Variants in MYOM2 observed in about 807,000 individuals in gnomAD.
MYOM2 encodes the protein myomesin-2.
In MYOM2, 254 loss-of-function variants were observed where a neutral mutation model predicts 187.6. The observed-to-expected ratio is 1.35, with a 90% CI of 1.22 to 1.50. MYOM2 has a LOEUF of 1.50. MYOM2 is among the 40% of genes most tolerant of loss of function. The pLI, the probability that MYOM2 is intolerant of heterozygous loss-of-function variation, is 0.00. For missense variants in MYOM2, 2,796 were observed against 1,924.0 expected (o/e 1.45, Z -8.48); for synonymous variants, 981 against 753.8 (o/e 1.30, Z -4.94).
At chr8:2,085,488 GCCCCTCACTGTTGTGATCTCCGCGTGGCC>G (rs1819800049) in intron 14 of MYOM2, 98 bp downstream of exon 14, 5 of 1,399,468 alleles carry the variant, frequency 3.6e-6, no homozygotes, top group Admixed American at 4.4e-5. Context: ...TCTCCGCGTG[GCCCCTCACTGTTGTGATCTCCGCGTGGCC>G]CCCCACTGTT....
At chr8:2,098,409 G>C (rs1290343881) in intron 18 of MYOM2, among the ~76,000 whole-genome samples, 1 of 152,152 alleles carries the variant, frequency 6.6e-6, no homozygotes, top group Admixed American at 6.5e-5. Context: ...CCAAGTATGG[G>C]GGACGTGGTG....
intron 1 of MYOM2, among the ~76,000 whole-genome samples, chr8:2,050,154 TCA>T (rs1363540063): frequency 6.6e-6 from 1 of 152,098 alleles, no homozygotes; most frequent in Non-Finnish European, 1.5e-5. Context: ...TGATTTCTGG[TCA>T]CACCCACCCC....
chr8:2,066,730 A>T (rs1819031921), intron 6 of MYOM2, among the ~76,000 whole-genome samples: 1 of 152,210 alleles, frequency 6.6e-6, no homozygotes, highest in Admixed American at 6.5e-5. Flanking sequence ...TGTGAATTAT[A>T]TGGGTAGATC....
intron 14 of MYOM2, among the ~76,000 whole-genome samples, chr8:2,088,643 G>A (rs1430817409): frequency 6.6e-6 from 1 of 152,182 alleles, no homozygotes; most frequent in African/African-American, 2.4e-5. Flanking sequence ...TGGTGTGGGG[G>A]CACCACATTT....
chr8:2,109,545 T>C lies in MYOM2; in HGVS notation c.3180+14T>C. ...TCTGACAGCGAGGTGAGTTCCTGTG[T>C]GAGTGATCTCTGGCTTTGCAGGGAG... On this transcript the variant is annotated intron_variant, in intron 25 of 36. Coordinates refer to ENST00000262113, the MANE Select transcript of MYOM2 (RefSeq NM_003970.4). The C allele has an allele frequency of 6.2e-7, 1 of 1,600,908 alleles. No homozygotes were observed. Among genetic ancestry groups the C allele is most frequent in the Non-Finnish European group, 8.5e-7 (1 of 1,174,662 alleles).
intron 6 of MYOM2, 113 bp downstream of exon 6, chr8:2,059,358 C>T (rs1430414510): frequency 2.4e-6 from 2 of 818,102 alleles, no homozygotes; most frequent in Non-Finnish European, 3.9e-6. Context: ...CTGTTTGCAC[C>T]CCGGGTGACT....
chr8:2,111,135 C>G (rs1328930916), intron 25 of MYOM2, among the ~76,000 whole-genome samples: 1 of 152,162 alleles, frequency 6.6e-6, no homozygotes, highest in East Asian at 1.9e-4. Context: ...CACTTCCTGC[C>G]TGCTGTATAG....
chr8:2,057,972 C>T (rs986031762), intron 5 of MYOM2, among the ~76,000 whole-genome samples, 192 bp downstream of exon 5: 10 of 129,754 alleles, frequency 7.7e-5, no homozygotes, highest in East Asian at 4.5e-4. Context: ...ATTTTCATGA[C>T]ATTGAGTCAA....
At position 2,059,361 on chromosome 8, in the gene MYOM2, G is replaced by C. The variant is rs369611147; in HGVS notation, c.653+116G>C. 5.0e-6 allele frequency: 4 copies of C among 801,792 alleles called. No individual in the cohort carries two copies. In the Admixed American group the frequency reaches 8.0e-5, roughly 16 times the overall value. 49.7% of individuals were successfully genotyped at this position (801,792 alleles called of 1,614,324 possible). A position where few individuals can be genotyped will look rare whatever the true frequency, so the allele number is the denominator to read the frequency against. On this transcript the variant is annotated intron_variant, in intron 6 of 36. Transcript: ENST00000262113. ...AATCACACCTGTCTGTTTGCACCCC[G>C]GGTGACTTTAAATAGCATTTATGAG...
intron 16 of MYOM2, 81 bp from the exon 17 acceptor site, chr8:2,093,889 G>T: frequency 6.4e-7 from 1 of 1,557,318 alleles, no homozygotes; most frequent in Non-Finnish European, 8.7e-7. Context: ...TTTATGGCGC[G>T]TTCAGGGTGA....
intron 14 of MYOM2, among the ~76,000 whole-genome samples, chr8:2,088,917 T>C (rs899168230): frequency 1.3e-5 from 2 of 152,236 alleles, no homozygotes; most frequent in African/African-American, 2.4e-5. Flanking sequence ...CATATTCTGA[T>C]GTAGGAGAGG....
rs771255193 is a variant in MYOM2 at position 2,115,955 on chromosome 8, T to G, written c.3181-5T>G. On this transcript the variant is annotated splice_polypyrimidine_tract_variant and splice_region_variant and intron_variant, in intron 25 of 36. Coordinates refer to ENST00000262113, the MANE Select transcript of MYOM2 (RefSeq NM_003970.4). ...AATTCTCCATTTCCCTTGTTTTGCT[T>G]GCAGATACACAGAATTAAATGTGAC... 2 of 1,605,444 alleles carry G rather than the reference T, an allele frequency of 1.2e-6. No homozygotes were observed. The highest frequency in any genetic ancestry group is 3.5e-5 in the Admixed American group (2 of 57,390).
rs557089620 is a variant in MYOM2 at position 2,140,591 on chromosome 8, A to T, written c.3801-132A>T. The T allele has an allele frequency of 1.5e-4, 127 of 834,258 alleles. No homozygotes were observed. The African/African-American group carries it at 2.1e-3, about 14-fold the overall frequency. The allele number at this position is 834,258 out of a possible 1,614,324, so 51.7% of individuals were successfully genotyped here. ...TGTGGTCAATACATTCGTAACAGCC[A>T]GAATAATCTATTGTGACATTGGCAT... is the stretch of plus-strand genomic sequence containing the variant. On this transcript the variant is annotated intron_variant, in intron 32 of 36. Coordinates refer to ENST00000262113, the MANE Select transcript of MYOM2 (RefSeq NM_003970.4).
chr8:2,073,382 A>C lies in MYOM2; in HGVS notation c.1002A>C (p.Gly334=). 6.2e-7 allele frequency: 1 copy of C among 1,613,144 alleles called. No individual in the cohort carries two copies. Among genetic ancestry groups the C allele is most frequent in the South Asian group, 1.1e-5 (1 of 90,880 alleles). Residue 334 remains glycine (G), a synonymous_variant, in exon 10 of 37, where the codon GGA becomes GGC. Coordinates refer to ENST00000262113, the MANE Select transcript of MYOM2 (RefSeq NM_003970.4). ...KESKWTKMFF[G]EGQASLSFSH... ...CCAAGTGGACGAAGATGTTCTTTGG[A>C]GAAGGCCAGGCCTCCCTGTCCTTCA...
intron 19 of MYOM2, 96 bp from the exon 20 acceptor site, chr8:2,100,780 T>C: frequency 8.2e-7 from 1 of 1,218,510 alleles, no homozygotes; most frequent in Non-Finnish European, 1.2e-6. Context: ...GGTGGGGGGC[T>C]TCCCAGAGGA....
At chr8:2,092,080 G>T (rs1294129654) in intron 15 of MYOM2, among the ~76,000 whole-genome samples, 3 of 152,096 alleles carry the variant, frequency 2.0e-5, no homozygotes, top group East Asian at 1.9e-4. Context: ...GCTCTGATGG[G>T]AGACAGGAGG....
rs3817707 is a variant in MYOM2 at position 2,106,663 on chromosome 8, C to T, written c.2998+66C>T. On this transcript the variant is annotated intron_variant, in intron 23 of 36. Coordinates refer to ENST00000262113, the MANE Select transcript of MYOM2 (RefSeq NM_003970.4). ...TCACACTTTCAAAGATTGACACCAA[C>T]ATAGAAAAGACTTACTTGCTTAGAA... The T allele has an allele frequency of 1.3e-3, 1,514 of 1,176,648 alleles. 36 individuals carry two copies. In the East Asian group the frequency reaches 0.036, roughly 28 times the overall value. 72.9% of individuals were successfully genotyped at this position (1,176,648 alleles called of 1,614,324 possible).
At chr8:2,128,557 C>A (rs951586645) in intron 31 of MYOM2, among the ~76,000 whole-genome samples, 7 of 152,212 alleles carry the variant, frequency 4.6e-5, no homozygotes, top group Admixed American at 2.0e-4. Context: ...GATCATCTAC[C>A]TCAAGCGAAT....
At chr8:2,075,186 G>A (rs1819375805) in intron 10 of MYOM2, among the ~76,000 whole-genome samples, 1 of 152,180 alleles carries the variant, frequency 6.6e-6, no homozygotes, top group South Asian at 2.1e-4. Context: ...GCCTGAGCTT[G>A]CGAGTCTGTG....
Sources: gnomAD v4.1 joint callset for allele counts (sites outside exome capture counted in the v4.1 genomes callset) on GRCh38, gnomAD v4.1.1 for gene constraint, MANE v1.5 for transcripts, NCBI Gene and HGNC (gene_info 2026-07-23, HGNC 2026-07-21) for gene names.